The following TANC1 variants were observed in gnomAD, a reference collection of about 807,000 sequenced individuals.
The protein encoded by TANC1 is protein TANC1.
A neutral mutation model predicts 149.7 loss-of-function variants in TANC1; 77 were observed. The observed-to-expected ratio is 0.51, with a 90% confidence interval of 0.43 to 0.62. The LOEUF is 0.62. TANC1 is among the 20% of genes least tolerant of loss of function. The pLI, the probability that TANC1 is intolerant of heterozygous loss-of-function variation, is 0.00. For missense variants in TANC1, 1,985 were observed against 2,321.8 expected (o/e 0.85, Z 2.98); for synonymous variants, 854 against 925.0 (o/e 0.92, Z 1.39).
chr2:159,110,111 T>A (rs549315582), intron 4 of TANC1, among the ~76,000 whole-genome samples: 39 of 152,294 alleles, frequency 2.6e-4, no homozygotes, highest in African/African-American at 8.9e-4. Context: ...GCATTCCATT[T>A]ATGGGTTGAA....
chr2:159,136,041 TGTGTGTGTGC>T (rs2050660825), intron 4 of TANC1, among the ~76,000 whole-genome samples, 143 bp from the exon 5 acceptor site: 1 of 48,776 alleles, frequency 2.1e-5, no homozygotes, highest in South Asian at 5.0e-4. Context: ...TGTGTGTGTG[TGTGTGTGTGC>T]GCGCGCGCGC....
chr2:159,151,581 T>G (rs1245399157), intron 7 of TANC1, among the ~76,000 whole-genome samples: 4 of 152,238 alleles, frequency 2.6e-5, no homozygotes, highest in Middle Eastern at 3.2e-3. Context: ...TTTGAGCTCC[T>G]TATTTTCTTT....
intron 4 of TANC1, among the ~76,000 whole-genome samples, chr2:159,135,008 T>C (rs1233298195): frequency 6.6e-6 from 1 of 152,214 alleles, no homozygotes; most frequent in Non-Finnish European, 1.5e-5. Context: ...ATTTTAAATA[T>C]ATTCATAGAG....
intron 3 of TANC1, among the ~76,000 whole-genome samples, chr2:159,081,802 TC>T (rs1334658870): frequency 2.6e-5 from 4 of 152,140 alleles, no homozygotes; most frequent in African/African-American, 9.7e-5. Context: ...CACGGTACTG[TC>T]CCCTTCCCCC....
chr2:159,071,401 T>A (rs574369503), intron 3 of TANC1, among the ~76,000 whole-genome samples: 2 of 90,092 alleles, frequency 2.2e-5, no homozygotes, highest in Non-Finnish European at 3.6e-5. Flanking sequence ...AAAAAAAAAT[T>A]TTTTTTTGAC....
At chr2:159,191,430 A>C (rs1045506246) in intron 16 of TANC1, among the ~76,000 whole-genome samples, 2 of 152,174 alleles carry the variant, frequency 1.3e-5, no homozygotes, top group African/African-American at 4.8e-5. Context: ...AGAGCCCTGC[A>C]GGAAGTGATT....
At chr2:159,051,651 T>TTGTGTGTGTG (rs58015346) in intron 2 of TANC1, among the ~76,000 whole-genome samples, 1,623 of 142,922 alleles carry the variant, frequency 0.011, 18 homozygotes, top group South Asian at 0.019. Context: ...GAAGTGGTGT[T>TTGTGTGTGTG]TGTGTGTGTG....
Position 158,976,856 on chromosome 2 carries a change from C to T in TANC1, c.-126+8074C>T, listed in dbSNP as rs996160079. Among the ~76,000 whole-genome samples, 11 of 152,066 alleles carry T rather than the reference C, an allele frequency of 7.2e-5. No individual in the cohort carries two copies. In the Middle Eastern group the frequency reaches 0.01, roughly 141 times the overall value. On this transcript the variant is annotated intron_variant, in intron 1 of 26. Coordinates refer to ENST00000263635, the MANE Select transcript of TANC1 (RefSeq NM_033394.3). ...AGATTGTGCCACTGAACTCTAGCCT[C>T]GGCGGCAGAATGAGACTCCGTCTTG...
intron 14 of TANC1, among the ~76,000 whole-genome samples, chr2:159,183,641 C>T (rs556040411): frequency 6.6e-5 from 10 of 151,860 alleles, no homozygotes; most frequent in East Asian, 1.9e-4. Flanking sequence ...AGGGAGCCAG[C>T]GTCTTGGGAT....
intron 2 of TANC1, among the ~76,000 whole-genome samples, chr2:159,053,607 T>C (rs373393968): frequency 5.3e-5 from 8 of 152,232 alleles, no homozygotes; most frequent in African/African-American, 1.4e-4. Context: ...GAGAAAGACA[T>C]TGAGATCATC....
chr2:158,986,042 C>G (rs2034969746), intron 1 of TANC1, among the ~76,000 whole-genome samples: 1 of 152,122 alleles, frequency 6.6e-6, no homozygotes, highest in African/African-American at 2.4e-5. Flanking sequence ...CTTGGAGGGT[C>G]CGATCTTACA....
intron 3 of TANC1, among the ~76,000 whole-genome samples, chr2:159,085,416 A>T (rs1332609445): frequency 6.6e-6 from 1 of 152,186 alleles, no homozygotes; most frequent in Non-Finnish European, 1.5e-5. Flanking sequence ...GCTTAGCAAG[A>T]TGTCTGGCAC....
At chr2:159,088,733 G>A (rs1454625267) in intron 3 of TANC1, among the ~76,000 whole-genome samples, 4 of 152,002 alleles carry the variant, frequency 2.6e-5, no homozygotes, top group Admixed American at 6.6e-5. Flanking sequence ...TGTATTTTAC[G>A]TGTGGCCCAA....
At chr2:159,185,921 G>C (rs1244993493) in intron 15 of TANC1, 22 bp downstream of exon 15, 1 of 1,533,148 alleles carries the variant, frequency 6.5e-7, no homozygotes, top group Non-Finnish European at 9.0e-7. Flanking sequence ...ACCAACTTGG[G>C]GAAGGGTTTC....
chr2:159,008,196 C>T (rs796397613), intron 2 of TANC1, among the ~76,000 whole-genome samples: 28 of 152,282 alleles, frequency 1.8e-4, no homozygotes, highest in African/African-American at 6.7e-4. Context: ...ATCTGTTATA[C>T]AATTGCTGTT....
At chr2:158,992,722 G>A (rs13004963) in intron 1 of TANC1, among the ~76,000 whole-genome samples, 32,572 of 138,370 alleles carry the variant, frequency 0.24, 3,886 homozygotes, top group South Asian at 0.45. Context: ...GGGTTTCACC[G>A]TGTTAGCCAG....
chr2:159,077,640 A>G lies in TANC1; in HGVS notation c.61+11669A>G, dbSNP rs146104179. ...ATTGCATTTTATACATTTTTTTCAT[A>G]TTGGCACATATCGATATATAGCCTT... On this transcript the variant is annotated intron_variant, in intron 3 of 26. Transcript: ENST00000263635. 4.1e-3 allele frequency among the ~76,000 whole-genome samples: 620 copies of G among 152,258 alleles called. 4 individuals are homozygous for G. Among genetic ancestry groups the G allele is most frequent in the African/African-American group, 0.014 (597 of 41,556 alleles).
intron 16 of TANC1, among the ~76,000 whole-genome samples, chr2:159,187,448 C>A (rs1009195232): frequency 6.6e-6 from 1 of 152,172 alleles, no homozygotes; most frequent in Admixed American, 6.5e-5. Context: ...AAACAAACAT[C>A]GAGGTTTCAT....
chr2:159,054,122 C>T (rs2041672810), intron 2 of TANC1, among the ~76,000 whole-genome samples: 1 of 152,156 alleles, frequency 6.6e-6, no homozygotes, highest in Admixed American at 6.5e-5. Flanking sequence ...TCTCACCACT[C>T]CCTGGGGGCT....
Sources: allele counts gnomAD v4.1 joint callset (sites outside exome capture counted in the v4.1 genomes callset), GRCh38; gene constraint gnomAD v4.1.1; transcripts MANE v1.5; gene names NCBI Gene and HGNC (gene_info 2026-07-23, HGNC 2026-07-21).